CAPN7: variants seen among roughly 807,000 people sequenced by gnomAD.
CAPN7 encodes the protein calpain-7.
A neutral mutation model predicts 115.2 loss-of-function variants in CAPN7; 72 were observed. The observed-to-expected ratio is 0.63, with a 90% CI of 0.52 to 0.76. CAPN7 has a LOEUF of 0.76. Among genes scored for constraint, CAPN7 ranks in the 30% least tolerant of loss-of-function variants. The pLI is 0.00. For missense variants in CAPN7, 905 were observed against 971.5 expected (o/e 0.93, Z 0.91); for synonymous variants, 344 against 322.3 (o/e 1.07, Z -0.72).
chr3:15,211,057 C>T, intron 1 of CAPN7: 2 of 488,668 alleles, frequency 4.1e-6, no homozygotes, highest in Non-Finnish European at 5.4e-6. Flanking sequence ...TATGGAATAA[C>T]TGGAAGAAGA....
At chr3:15,244,557 C>G (rs1226383806) in intron 16 of CAPN7, among the ~76,000 whole-genome samples, 1 of 152,162 alleles carries the variant, frequency 6.6e-6, no homozygotes, top group Non-Finnish European at 1.5e-5. Context: ...TCATTAGAGA[C>G]TTATGATTTG....
intron 2 of CAPN7, among the ~76,000 whole-genome samples, chr3:15,214,832 A>G (rs761731769): frequency 1.5e-4 from 23 of 152,376 alleles, no homozygotes; most frequent in Admixed American, 3.3e-4. Context: ...GACTAGATCA[A>G]TGGGTCTCAG....
At chr3:15,208,795 T>C (rs1448693867) in intron 1 of CAPN7, among the ~76,000 whole-genome samples, 1 of 152,172 alleles carries the variant, frequency 6.6e-6, no homozygotes, top group Non-Finnish European at 1.5e-5. Context: ...TCCACTCTCT[T>C]CTCTCCAATT....
chr3:15,214,132 G>A lies in CAPN7; in HGVS notation c.211+1920G>A, dbSNP rs930849955. 1.5e-3 allele frequency among the ~76,000 whole-genome samples: 228 copies of A among 152,122 alleles called. 1 individual carries two copies. The highest frequency in any genetic ancestry group is 2.3e-3 in the Non-Finnish European group (156 of 67,994). Reference sequence around the variant, plus strand: ...CCTGACCTCGTGATCCACCCGCCTCGGCCTCCCAAAGTGCTGGGATTACAG... The same window carrying A: ...CCTGACCTCGTGATCCACCCGCCTCAGCCTCCCAAAGTGCTGGGATTACAG... On this transcript the variant is annotated intron_variant, in intron 2 of 20. Transcript: ENST00000253693.
chr3:15,228,417 G>A (rs543601578), intron 7 of CAPN7, among the ~76,000 whole-genome samples: 2 of 152,200 alleles, frequency 1.3e-5, no homozygotes, highest in East Asian at 3.9e-4. Context: ...AAAATATTTA[G>A]TATACATTGT....
Position 15,241,439 on chromosome 3 carries a change from ACTTTAT to A in CAPN7, c.1653-9_1653-4del. On this transcript the variant is annotated splice_polypyrimidine_tract_variant and splice_region_variant and intron_variant, in intron 14 of 20. Transcript: ENST00000253693. ...AATTTAATTACAACCTTCTTTGTTG[ACTTTAT>A]CTTTTAGTACTTGGGATGCTAAGCA... 6.2e-7 allele frequency: 1 copy of A among 1,610,412 alleles called. No individual in the cohort carries two copies. The highest frequency in any genetic ancestry group is 2.2e-5 in the East Asian group (1 of 44,836).
intron 5 of CAPN7, among the ~76,000 whole-genome samples, chr3:15,222,140 T>C (rs1425250822): frequency 6.6e-6 from 1 of 151,942 alleles, no homozygotes; most frequent in Non-Finnish European, 1.5e-5. Context: ...ATATGGCTCT[T>C]TACAGAAAAC....
chr3:15,212,093 T>C lies in CAPN7; in HGVS notation c.103-11T>C. The C allele has an allele frequency of 6.4e-7, 1 of 1,564,824 alleles. No homozygotes were observed. Among genetic ancestry groups the C allele is most frequent in the Non-Finnish European group, 8.7e-7 (1 of 1,149,846 alleles). ...CATCTATTGGATTCCTTTGAATTCT[T>C]TCATTTTTAGGAAGCTGCACAAGCC... On this transcript the variant is annotated splice_polypyrimidine_tract_variant and intron_variant, in intron 1 of 20. Coordinates refer to ENST00000253693, the MANE Select transcript of CAPN7 (RefSeq NM_014296.3).
At chr3:15,233,748 A>G in intron 10 of CAPN7, 119 bp from the exon 11 acceptor site, 1 of 651,282 alleles carries the variant, frequency 1.5e-6, no homozygotes, top group Middle Eastern at 2.5e-4. Context: ...GAAAACAACT[A>G]CCTTCTGATT....
At chr3:15,211,504 T>C (rs1448334121) in intron 1 of CAPN7, among the ~76,000 whole-genome samples, 3 of 152,088 alleles carry the variant, frequency 2.0e-5, no homozygotes, top group Non-Finnish European at 4.4e-5. Flanking sequence ...ATCAGACTTT[T>C]AATGTGAGGG....
intron 10 of CAPN7, among the ~76,000 whole-genome samples, chr3:15,233,279 C>T (rs1694799868): frequency 6.6e-6 from 1 of 152,174 alleles, no homozygotes; most frequent in African/African-American, 2.4e-5. Context: ...ATGCAAATCA[C>T]CCATCATTCA....
intron 1 of CAPN7, chr3:15,210,916 A>G: frequency 8.1e-7 from 1 of 1,234,768 alleles, no homozygotes; most frequent in Non-Finnish European, 1.0e-6. Flanking sequence ...GGGTTACTGC[A>G]GAGAAGGTGC....
chr3:15,213,451 G>A (rs1288309986), intron 2 of CAPN7, among the ~76,000 whole-genome samples: 1 of 152,216 alleles, frequency 6.6e-6, no homozygotes, highest in African/African-American at 2.4e-5. Context: ...CACTATCATG[G>A]AAACCCCTTT....
intron 14 of CAPN7, 54 bp downstream of exon 14, chr3:15,240,907 C>A: frequency 8.7e-7 from 1 of 1,146,864 alleles, no homozygotes; most frequent in Non-Finnish European, 1.3e-6. Context: ...ACTTTCCTCA[C>A]TTAAAAACAT....
At chr3:15,232,096 T>C (rs1169397342) in intron 9 of CAPN7, 2 of 357,746 alleles carry the variant, frequency 5.6e-6, no homozygotes, top group Non-Finnish European at 1.1e-5. Flanking sequence ...TTAACAGATT[T>C]TTTAATATTT....
In CAPN7 at chr3:15,218,504, A is replaced by G; in HGVS notation, c.401A>G (p.Asn134Ser). ...SYETADKVLQ[N>S]KLKQLARQAL... Reference sequence around the variant, plus strand: ...GAAACTGCTGATAAAGTCCTGCAAAATAAACTGAAACAGTTGGCTCGACAG... The same window carrying G: ...GAAACTGCTGATAAAGTCCTGCAAAGTAAACTGAAACAGTTGGCTCGACAG... Residue 134 changes from asparagine (N) to serine (S), a missense_variant, in exon 4 of 21, where the codon AAT becomes AGT. This residue lies in a region of CAPN7 where 271 missense variants were observed against 239.6 expected (regional missense o/e 1.13). Transcript: ENST00000253693. 1.2e-6 allele frequency: 2 copies of G among 1,613,606 alleles called. No homozygotes were observed. The highest frequency in any genetic ancestry group is 1.7e-4 in the Middle Eastern group (1 of 6,060).
chr3:15,244,029 G>A (rs898643842), intron 16 of CAPN7, among the ~76,000 whole-genome samples: 6 of 152,216 alleles, frequency 3.9e-5, no homozygotes, highest in Non-Finnish European at 8.8e-5. Context: ...GTGGAGAGGT[G>A]GGGCTAGAAG....
chr3:15,246,433 A>G (rs934351599), intron 17 of CAPN7: 38 of 314,822 alleles, frequency 1.2e-4, no homozygotes, highest in Non-Finnish European at 1.8e-4. Flanking sequence ...CAATTTGAAT[A>G]GATTTTTAGT....
Position 15,240,485 on chromosome 3 carries a change from A to C in CAPN7, c.1420A>C (p.Ile474Leu). Residue 474 changes from isoleucine (I) to leucine (L), a missense_variant, in exon 13 of 21, where the codon ATC becomes CTC. By Grantham distance (5) the Ile-to-Leu change is conservative. This residue lies in a region of CAPN7 where 620 missense variants were observed against 703.4 expected (regional missense o/e 0.88). Transcript: ENST00000253693. ...DIREFKGLRF[I>L]QLKNPWSHLR... ...CTTTTTTATATAGGGGCTGCGATTT[A>C]TCCAGTTGAAAAATCCTTGGAGTCA... is the stretch of plus-strand genomic sequence containing the variant. The C allele has an allele frequency of 1.9e-6, 3 of 1,610,522 alleles. No individual in the cohort carries two copies. The highest frequency in any genetic ancestry group is 2.5e-6 in the Non-Finnish European group (3 of 1,179,328).
Sources: allele counts gnomAD v4.1 joint callset (sites outside exome capture counted in the v4.1 genomes callset), GRCh38; gene constraint gnomAD v4.1.1; regional missense constraint gnomAD v4.1.1; transcripts MANE v1.5; gene names NCBI Gene and HGNC (gene_info 2026-07-23, HGNC 2026-07-21).